FAM219A: variants seen among roughly 807,000 people sequenced by gnomAD.
FAM219A encodes family with sequence similarity 219 member A, also known as protein FAM219A.
In FAM219A, 7 loss-of-function variants were observed where a neutral mutation model predicts 23.4. That is an observed-to-expected ratio of 0.30 (90% confidence interval 0.17 to 0.56). FAM219A has a LOEUF of 0.56. FAM219A is among the 20% of genes least tolerant of loss of function. The pLI is 0.92. For missense variants in FAM219A, 166 were observed against 246.9 expected (o/e 0.67, Z 2.20); for synonymous variants, 93 against 99.0 (o/e 0.94, Z 0.36).
At chr9:34,411,224 T>C (rs1417935660) in intron 1 of FAM219A, among the ~76,000 whole-genome samples, 1 of 152,182 alleles carries the variant, frequency 6.6e-6, no homozygotes, top group Non-Finnish European at 1.5e-5. Flanking sequence ...CTTTCATTTA[T>C]TTAATGATGA....
chr9:34,451,392 C>A (rs1247884825), intron 1 of FAM219A, among the ~76,000 whole-genome samples: 2 of 152,168 alleles, frequency 1.3e-5, no homozygotes, highest in East Asian at 3.9e-4. Context: ...ACACCTCTAG[C>A]TTCCTTCAAC....
At chr9:34,450,965 C>T (rs1458051488) in intron 1 of FAM219A, among the ~76,000 whole-genome samples, 1 of 152,190 alleles carries the variant, frequency 6.6e-6, no homozygotes, top group African/African-American at 2.4e-5. Flanking sequence ...TACCTCACCG[C>T]CATCACAGAA....
At chr9:34,453,547 C>T (rs1007939952) in intron 1 of FAM219A, among the ~76,000 whole-genome samples, 1 of 152,216 alleles carries the variant, frequency 6.6e-6, no homozygotes, top group African/African-American at 2.4e-5. Flanking sequence ...TGGCCACCCA[C>T]TGGAGAGATC....
In FAM219A at chr9:34,438,015, C is replaced by G. The variant is rs147717093; in HGVS notation, c.60+20189G>C. On this transcript the variant is annotated intron_variant, in intron 1 of 5. Transcript: ENST00000651358. ...GCGTGGGCTTGGCGGGCCCCGCACT[C>G]GGAGCAGCCGGCTGGCCCTGCCGGC... Among the ~76,000 whole-genome samples the G allele has an allele frequency of 9.3e-3, 1,415 of 152,324 alleles. 30 individuals are homozygous for G. The highest frequency in any genetic ancestry group is 0.032 in the African/African-American group (1,332 of 41,578).
At chr9:34,440,195 T>C (rs934587615) in intron 1 of FAM219A, among the ~76,000 whole-genome samples, 1 of 152,208 alleles carries the variant, frequency 6.6e-6, no homozygotes, top group Non-Finnish European at 1.5e-5. Context: ...AGCTGGTCCC[T>C]AGCTAGCCTC....
In FAM219A at chr9:34,416,183, AAAAGAAAGAAAGAAAGAAAGAAAGAAAG is replaced by A. The variant is rs757662813; in HGVS notation, c.61-10247_61-10220del. Among the ~76,000 whole-genome samples the A allele has an allele frequency of 6.9e-3, 444 of 64,068 alleles. 1 individual carries two copies. Among genetic ancestry groups the A allele is most frequent in the South Asian group, 0.012 (17 of 1,392 alleles). 42.0% of individuals were successfully genotyped at this position (64,068 alleles called of 152,430 possible). A position where few individuals can be genotyped will look rare whatever the true frequency, so the allele number is the denominator to read the frequency against. ...AGAGTGAGATCCTGAGAAGAAAGAGAAAAGAAAGAAAGAAAGAAAGAAAGAAAGAAAGAAAGAAAGAAAGAAAGAAAGA... is the reference window on the plus strand; with the variant it reads ...AGAGTGAGATCCTGAGAAGAAAGAGAAAAGAAAGAAAGAAAGAAAGAAAGA... On this transcript the variant is annotated intron_variant, in intron 1 of 5. Transcript: ENST00000651358.
intron 1 of FAM219A, among the ~76,000 whole-genome samples, chr9:34,436,616 A>G (rs1034036362): frequency 1.3e-4 from 20 of 152,344 alleles, no homozygotes; most frequent in African/African-American, 4.8e-4. Flanking sequence ...TAGAAGTAGA[A>G]TAGCTGAGGG....
chr9:34,457,939 C>G lies in FAM219A; in HGVS notation c.60+265G>C, dbSNP rs552549995. 6.6e-6 allele frequency among the ~76,000 whole-genome samples: 1 copy of G among 152,362 alleles called. No homozygotes were observed. Among genetic ancestry groups the G allele is most frequent in the African/African-American group, 2.4e-5 (1 of 41,588 alleles). On this transcript the variant is annotated intron_variant, in intron 1 of 5. Coordinates refer to ENST00000651358, the MANE Select transcript of FAM219A (RefSeq NM_001184940.2). This position sits in a 1 kb window ranked among gnomAD's most constrained non-coding sequence, Gnocchi z 5.1. ...ATGGGCCTCCACTAGCGGTGTGCAC[C>G]TTTGTGCCCCCTCCGTTCCATCCGA...
chr9:34,401,632 G>C, intron 5 of FAM219A, 34 bp downstream of exon 5: 1 of 1,597,638 alleles, frequency 6.3e-7, no homozygotes, highest in Non-Finnish European at 8.5e-7. Context: ...ATCCTGCCCG[G>C]TGGTGTCTAG....
chr9:34,449,979 G>A (rs908426187), intron 1 of FAM219A, among the ~76,000 whole-genome samples: 2 of 152,144 alleles, frequency 1.3e-5, no homozygotes, highest in African/African-American at 4.8e-5. Flanking sequence ...GTGGCCAAGG[G>A]CTTCACCAAT....
intron 1 of FAM219A, among the ~76,000 whole-genome samples, chr9:34,411,192 C>T (rs1821807153): frequency 6.6e-6 from 1 of 152,134 alleles, no homozygotes. Flanking sequence ...CCTCTCTTCC[C>T]TCACTCCAGC....
At chr9:34,405,134 A>C (rs1371796304) in intron 2 of FAM219A, among the ~76,000 whole-genome samples, 1 of 152,214 alleles carries the variant, frequency 6.6e-6, no homozygotes, top group East Asian at 1.9e-4. Flanking sequence ...TCAAGAAACC[A>C]AAGTTTTCAT....
intron 1 of FAM219A, among the ~76,000 whole-genome samples, chr9:34,424,801 C>T (rs1822398293): frequency 6.6e-6 from 1 of 152,154 alleles, no homozygotes; most frequent in Non-Finnish European, 1.5e-5. Context: ...ATGTGGTAAT[C>T]ATGCTTTCTC....
At chr9:34,450,606 A>G (rs1823531844) in intron 1 of FAM219A, among the ~76,000 whole-genome samples, 1 of 152,056 alleles carries the variant, frequency 6.6e-6, no homozygotes, top group African/African-American at 2.4e-5. Context: ...TTTAGTAGGG[A>G]CGGGATTTCA....
chr9:34,439,755 GA>G (rs1823094217), intron 1 of FAM219A, among the ~76,000 whole-genome samples: 1 of 152,172 alleles, frequency 6.6e-6, no homozygotes, highest in African/African-American at 2.4e-5. Context: ...TGAATGTAGT[GA>G]CTGGGGGTAA....
chr9:34,413,633 T>C (rs991299612), intron 1 of FAM219A, among the ~76,000 whole-genome samples: 3 of 152,242 alleles, frequency 2.0e-5, no homozygotes, highest in Admixed American at 6.5e-5. Context: ...CTAACCCTTC[T>C]TCACAGAACA....
At position 34,426,340 on chromosome 9, in the gene FAM219A, TG is replaced by T. The variant is rs10718435; in HGVS notation, c.61-20377del. On this transcript the variant is annotated intron_variant, in intron 1 of 5. Coordinates refer to ENST00000651358, the MANE Select transcript of FAM219A (RefSeq NM_001184940.2). ...ATGTCCAGGTGGGGCTAAGATGAGT[TG>T]TATCTTTATAGATAGGAGAAATGAT... Among the ~76,000 whole-genome samples, 1,168 of 152,286 alleles carry T rather than the reference TG, an allele frequency of 7.7e-3. 10 individuals carry two copies. The highest frequency in any genetic ancestry group is 0.026 in the African/African-American group (1,065 of 41,566).
At chr9:34,420,089 T>C (rs1353943834) in intron 1 of FAM219A, among the ~76,000 whole-genome samples, 3 of 152,186 alleles carry the variant, frequency 2.0e-5, no homozygotes, top group South Asian at 2.1e-4. Flanking sequence ...TAATTAAACA[T>C]TGGTGAACTT....
intron 1 of FAM219A, among the ~76,000 whole-genome samples, chr9:34,428,342 T>A (rs1259104987): frequency 6.6e-6 from 1 of 152,226 alleles, no homozygotes; most frequent in East Asian, 1.9e-4. Flanking sequence ...GTAGGGCCTA[T>A]GAACAGTTTA....
Sources: gnomAD v4.1 joint callset for allele counts (sites outside exome capture counted in the v4.1 genomes callset) on GRCh38, gnomAD v4.1.1 for gene constraint, Gnocchi (gnomAD v3.1) non-coding constraint, MANE v1.5 for transcripts, NCBI Gene and HGNC (gene_info 2026-07-23, HGNC 2026-07-21) for gene names.